APP: variants seen among roughly 807,000 people sequenced by gnomAD.
APP encodes the protein amyloid beta precursor protein.
A neutral mutation model predicts 101.4 loss-of-function variants in APP; 31 were observed. The ratio of observed to expected loss-of-function variants is 0.31; its 90% CI spans 0.23 to 0.41. The LOEUF (loss-of-function observed/expected upper bound fraction) is 0.41. Ranked by LOEUF, APP falls within the 10% of genes least tolerant of loss-of-function variation. The pLI, the probability that APP is intolerant of heterozygous loss-of-function variation, is 1.00. For synonymous variants in APP, 366 were observed against 364.4 expected (o/e 1.00, Z -0.05); for missense variants, 839 against 1,003.7 (o/e 0.84, Z 2.22).
At chr21:25,975,325 C>T in intron 10 of APP, 97 bp from the exon 11 acceptor site, 1 of 1,513,296 alleles carries the variant, frequency 6.6e-7, no homozygotes, top group Non-Finnish European at 9.1e-7. Context: ...CCATTTTCTT[C>T]TAGTGCTAAA....
intron 1 of APP, among the ~76,000 whole-genome samples, chr21:26,155,492 G>A (rs2063357347): frequency 6.6e-6 from 1 of 151,978 alleles, no homozygotes; most frequent in Admixed American, 6.6e-5. Context: ...TACCTCTACT[G>A]GATAATTCTG....
intron 17 of APP, among the ~76,000 whole-genome samples, chr21:25,883,418 C>A (rs541244706): frequency 1.8e-4 from 27 of 149,698 alleles, no homozygotes; most frequent in African/African-American, 6.4e-4. Flanking sequence ...AAAAAAAGGC[C>A]AGGTGAGGTG....
chr21:26,040,819 A>G (rs2045341809), intron 5 of APP, among the ~76,000 whole-genome samples: 1 of 152,270 alleles, frequency 6.6e-6, no homozygotes, highest in Non-Finnish European at 1.5e-5. Context: ...GCTAATGAAG[A>G]CTGTTCTCCC....
At chr21:26,158,507 C>A (rs951940554) in intron 1 of APP, among the ~76,000 whole-genome samples, 4 of 152,110 alleles carry the variant, frequency 2.6e-5, no homozygotes, top group Non-Finnish European at 5.9e-5. Flanking sequence ...TCCCTTGCAT[C>A]GAGGTGTCAC....
chr21:26,154,267 G>A (rs1040642249), intron 1 of APP, among the ~76,000 whole-genome samples: 5 of 152,126 alleles, frequency 3.3e-5, no homozygotes, highest in African/African-American at 9.7e-5. Context: ...ATCTGTACAT[G>A]TTTACATACC....
intron 1 of APP, among the ~76,000 whole-genome samples, chr21:26,144,735 T>G (rs968358122): frequency 1.3e-5 from 2 of 152,234 alleles, no homozygotes; most frequent in African/African-American, 2.4e-5. Flanking sequence ...AACTGCTTTC[T>G]TCTGACTTAC....
intron 6 of APP, among the ~76,000 whole-genome samples, chr21:26,007,065 T>A (rs995037296): frequency 6.6e-6 from 1 of 151,990 alleles, no homozygotes; most frequent in Non-Finnish European, 1.5e-5. Flanking sequence ...TTTCTGAACT[T>A]TTTTTTAAAA....
chr21:25,924,796 C>T (rs899971515), intron 13 of APP, among the ~76,000 whole-genome samples: 13 of 151,386 alleles, frequency 8.6e-5, no homozygotes, highest in Middle Eastern at 3.4e-3. Flanking sequence ...AAAAAAAAAG[C>T]TCTGATTTGG....
At chr21:25,973,144 T>C (rs534496646) in intron 11 of APP, among the ~76,000 whole-genome samples, 38 of 145,502 alleles carry the variant, frequency 2.6e-4, no homozygotes, top group Middle Eastern at 3.5e-3. Context: ...AATAGAATCA[T>C]AAAAAATTTC....
rs752361848 is a variant in APP, at chr21:25,897,617, C to G, written c.2020G>C (p.Glu674Gln). Residue 674 changes from glutamate (E) to glutamine (Q), a missense_variant, in exon 16 of 18, where the codon GAA becomes CAA. Coordinates refer to ENST00000346798, the MANE Select transcript of APP (RefSeq NM_000484.4). ...TCATATCCTGAGTCATGTCGGAATT[C>G]TGCATCCATCTTCACTTCAGAGATC... ...EEISEVKMDA[E>Q]FRHDSGYEVH... 6.2e-6 allele frequency: 10 copies of G among 1,613,896 alleles called. No homozygotes were observed. The Admixed American group carries it at 1.5e-4, about 24-fold the overall frequency.
chr21:26,051,735 G>A (rs1469689501), intron 4 of APP, among the ~76,000 whole-genome samples: 1 of 152,210 alleles, frequency 6.6e-6, no homozygotes, highest in East Asian at 1.9e-4. Flanking sequence ...AGTCATTAGA[G>A]ATTTCTCCTT....
intron 5 of APP, among the ~76,000 whole-genome samples, chr21:26,031,180 A>T (rs2044800725): frequency 6.6e-6 from 1 of 152,212 alleles, no homozygotes. Context: ...TGTGCCTGGC[A>T]TCTCCTTCCA....
chr21:25,893,525 G>A (rs2037830768), intron 16 of APP, among the ~76,000 whole-genome samples: 1 of 152,208 alleles, frequency 6.6e-6, no homozygotes, highest in Admixed American at 6.5e-5. Context: ...CAGCCTTATT[G>A]CTGATACGGA....
intron 3 of APP, among the ~76,000 whole-genome samples, chr21:26,073,778 T>A (rs2061451881): frequency 6.6e-6 from 1 of 152,180 alleles, no homozygotes; most frequent in East Asian, 1.9e-4. Flanking sequence ...TGTGCACAGA[T>A]GCCCAGGAAT....
chr21:25,882,185 G>GATTCAGCAAAGT (rs1394130844), intron 17 of APP, among the ~76,000 whole-genome samples: 4 of 151,908 alleles, frequency 2.6e-5, no homozygotes. Context: ...CATGGAGGGA[G>GATTCAGCAAAGT]ATTCAGCAAA....
chr21:26,151,865 T>A (rs2063277562), intron 1 of APP, among the ~76,000 whole-genome samples: 1 of 152,212 alleles, frequency 6.6e-6, no homozygotes, highest in Non-Finnish European at 1.5e-5. Context: ...TAGGGACTCC[T>A]GATTCACAGC....
At chr21:26,096,725 G>C (rs951718896) in intron 2 of APP, among the ~76,000 whole-genome samples, 5 of 152,090 alleles carry the variant, frequency 3.3e-5, no homozygotes, top group African/African-American at 1.2e-4. Flanking sequence ...GCAGTGAACT[G>C]GGATCACGTC....
At chr21:25,912,062 C>T (rs2039103892) in intron 13 of APP, 100 bp from the exon 14 acceptor site, 6 of 870,968 alleles carry the variant, frequency 6.9e-6, no homozygotes, top group Non-Finnish European at 1.2e-5. Context: ...ACTTCAACTG[C>T]TTTCACGTGC....
chr21:25,973,443 T>A (rs2042108845), intron 11 of APP, among the ~76,000 whole-genome samples: 1 of 152,204 alleles, frequency 6.6e-6, no homozygotes, highest in Admixed American at 6.5e-5. Flanking sequence ...AATATTAAAG[T>A]AGATTTTGGA....
Sources: gnomAD v4.1 joint callset for allele counts (sites outside exome capture counted in the v4.1 genomes callset) on GRCh38, gnomAD v4.1.1 for gene constraint, MANE v1.5 for transcripts, NCBI Gene and HGNC (gene_info 2026-07-23, HGNC 2026-07-21) for gene names.